ASIP: variants seen among roughly 807,000 people sequenced by gnomAD.
The protein encoded by ASIP is agouti-signaling protein.
Under a neutral mutation model 10.3 loss-of-function variants are expected in ASIP, and 11 were observed. That is an observed-to-expected ratio of 1.07 (90% CI 0.68 to 1.78). The LOEUF is 1.78. ASIP is among the 40% of genes most tolerant of loss of function. The pLI is 0.00. For missense variants in ASIP, 180 were observed against 169.2 expected (o/e 1.06, Z -0.35); for synonymous variants, 70 against 70.8 (o/e 0.99, Z 0.06).
intron 1 of ASIP, chr20:34,215,782 C>A: frequency 6.5e-7 from 1 of 1,546,804 alleles, no homozygotes; most frequent in Non-Finnish European, 8.9e-7. Flanking sequence ...CTTCTGCACA[C>A]ACCTGCCAGG....
Position 34,269,033 on chromosome 20 carries a change from C to A in ASIP, c.265C>A (p.Leu89Ile), listed in dbSNP as rs772338707. ...MKKVVRPRTP[L>I]SAPCVATRNS... ...GAAAGTGGTGCGGCCCCGGACCCCCCTATCTGCGCCCTGCGTGGCCACCCG... is the reference window on the plus strand; with the variant it reads ...GAAAGTGGTGCGGCCCCGGACCCCCATATCTGCGCCCTGCGTGGCCACCCG... Residue 89 changes from leucine (L) to isoleucine (I), a missense_variant, in exon 4 of 4, where the codon CTA becomes ATA. Coordinates refer to ENST00000374954, the MANE Select transcript of ASIP (RefSeq NM_001672.3). 2.6e-5 allele frequency: 41 copies of A among 1,607,478 alleles called. No homozygotes were observed. The East Asian group carries it at 8.5e-4, about 33-fold the overall frequency.
chr20:34,244,437 A>T (rs1019126769), intron 1 of ASIP, among the ~76,000 whole-genome samples: 8 of 152,310 alleles, frequency 5.3e-5, no homozygotes, highest in Non-Finnish European at 1.2e-4. Context: ...CACTCAGAAC[A>T]ATGATGATGA....
chr20:34,262,870 G>A lies in ASIP; in HGVS notation c.199G>A (p.Ala67Thr), dbSNP rs760602587. 4.3e-6 allele frequency: 7 copies of A among 1,613,938 alleles called. No homozygotes were observed. Among genetic ancestry groups the A allele is most frequent in the Non-Finnish European group, 3.4e-6 (4 of 1,179,948 alleles). ...ATCCAAACAGATCGGCAGAAAAGCA[G>A]CAGAAAAGAAAAGATCTTCTAAGGT... ...KKSKQIGRKAAEKKRSSKKEA... is the reference protein window; with the variant it reads ...KKSKQIGRKATEKKRSSKKEA... Residue 67 changes from alanine (A) to threonine (T), a missense_variant, in exon 3 of 4, where the codon GCA becomes ACA. Coordinates refer to ENST00000374954, the MANE Select transcript of ASIP (RefSeq NM_001672.3).
upstream of ASIP, among the ~76,000 whole-genome samples, chr20:34,239,375 C>T (rs1161881362): frequency 6.6e-6 from 1 of 152,110 alleles, no homozygotes; most frequent in African/African-American, 2.4e-5. Context: ...TGCCACCACA[C>T]CTGGCTATTT....
At chr20:34,192,628 T>C (rs2034831589), upstream of ASIP, among the ~76,000 whole-genome samples, 1 of 152,054 alleles carries the variant, frequency 6.6e-6, no homozygotes, top group Non-Finnish European at 1.5e-5. Flanking sequence ...GGTCTATTCT[T>C]TTGTGAAGAA....
At chr20:34,201,878 AGG>A (rs936554744) in intron 1 of ASIP, among the ~76,000 whole-genome samples, 26 of 152,344 alleles carry the variant, frequency 1.7e-4, no homozygotes, top group African/African-American at 6.3e-4. Flanking sequence ...AAACATGTTC[AGG>A]GCTTCTAGAA....
At chr20:34,203,927 T>C (rs974638600) in intron 1 of ASIP, among the ~76,000 whole-genome samples, 1 of 151,796 alleles carries the variant, frequency 6.6e-6, no homozygotes, top group African/African-American at 2.4e-5. Context: ...TGTTTCACCA[T>C]GTTGGCCAGG....
intron 1 of ASIP, among the ~76,000 whole-genome samples, chr20:34,245,074 GC>G (rs2035347091): frequency 6.6e-6 from 1 of 152,068 alleles, no homozygotes; most frequent in South Asian, 2.1e-4. Context: ...AGTGGCTCAT[GC>G]CTGTAATCCC....
chr20:34,242,165 A>G (rs1009954931), intron 1 of ASIP, among the ~76,000 whole-genome samples: 1 of 151,928 alleles, frequency 6.6e-6, no homozygotes, highest in Non-Finnish European at 1.5e-5. Flanking sequence ...TGGCATAGTG[A>G]AGTCATTTTT....
At chr20:34,246,267 TCTC>T (rs892347021) in intron 1 of ASIP, 11 of 1,551,452 alleles carry the variant, frequency 7.1e-6, no homozygotes, top group African/African-American at 1.4e-5. Context: ...TGTTTTTTCT[TCTC>T]CTCTTCTTCC....
chr20:34,258,752 TA>T (rs1429957121), intron 1 of ASIP, among the ~76,000 whole-genome samples: 1 of 85,192 alleles, frequency 1.2e-5, no homozygotes, highest in Admixed American at 1.7e-4. Context: ...ATACTATATA[TA>T]ATATATGATA....
At chr20:34,223,066 G>A (rs2035060885) in intron 1 of ASIP, among the ~76,000 whole-genome samples, 2 of 152,104 alleles carry the variant, frequency 1.3e-5, no homozygotes, top group Admixed American at 1.3e-4. Context: ...TGGGAAGTGA[G>A]GAGTGTCTCT....
At chr20:34,215,992 C>T (rs1047774183) in intron 1 of ASIP, 5 of 722,060 alleles carry the variant, frequency 6.9e-6, no homozygotes, top group Non-Finnish European at 1.0e-5. Context: ...AGCCCGCCTC[C>T]CAGCCTGAAC....
chr20:34,201,012 C>T (rs2034891754), intron 1 of ASIP, among the ~76,000 whole-genome samples: 2 of 81,236 alleles, frequency 2.5e-5, no homozygotes, highest in Admixed American at 1.3e-4. Context: ...TTCCTTCCTT[C>T]CTTCCTTCTT....
intron 1 of ASIP, among the ~76,000 whole-genome samples, chr20:34,257,122 C>T (rs1208538318): frequency 7.2e-6 from 1 of 139,220 alleles, no homozygotes; most frequent in East Asian, 2.1e-4. Flanking sequence ...TTCCCTCTTT[C>T]ACCCAGGCTG....
chr20:34,264,205 G>T (rs1308786318), intron 3 of ASIP, among the ~76,000 whole-genome samples: 1 of 152,014 alleles, frequency 6.6e-6, no homozygotes, highest in Non-Finnish European at 1.5e-5. Flanking sequence ...ATTCAAAATA[G>T]AAAGAAAATA....
intron 3 of ASIP, among the ~76,000 whole-genome samples, chr20:34,266,210 G>A (rs545919725): frequency 2.0e-5 from 3 of 151,990 alleles, no homozygotes; most frequent in East Asian, 3.9e-4. Context: ...AAATTAGCCG[G>A]AGGTGGTGGC....
chr20:34,222,408 G>GT (rs1281664408), intron 1 of ASIP, among the ~76,000 whole-genome samples: 2 of 152,132 alleles, frequency 1.3e-5, no homozygotes, highest in Non-Finnish European at 2.9e-5. Flanking sequence ...TGAATAACCA[G>GT]TAAGGACCCA....
intron 1 of ASIP, 81 bp from the exon 2 acceptor site, chr20:34,260,284 A>G: frequency 2.1e-6 from 3 of 1,433,668 alleles, no homozygotes; most frequent in Non-Finnish European, 2.8e-6. Context: ...ACACCAGCCC[A>G]AAGAAGCACA....
Sources: gnomAD v4.1 joint callset for allele counts (sites outside exome capture counted in the v4.1 genomes callset) on GRCh38, gnomAD v4.1.1 for gene constraint, MANE v1.5 for transcripts, NCBI Gene and HGNC (gene_info 2026-07-23, HGNC 2026-07-21) for gene names.